The following RAB3C variants were observed in gnomAD, a reference collection of about 807,000 sequenced individuals.
RAB3C encodes the protein ras-related protein Rab-3C.
In RAB3C, 17 loss-of-function variants were observed where a neutral mutation model predicts 26.4. The ratio of observed to expected loss-of-function variants is 0.64; its 90% CI spans 0.44 to 0.97. The LOEUF (loss-of-function observed/expected upper bound fraction) is 0.97, where lower values mean the gene tolerates loss of function less well. RAB3C is among the 50% of genes least tolerant of loss of function. The pLI, the probability that RAB3C is intolerant of heterozygous loss-of-function variation, is 0.00. For synonymous variants in RAB3C, 91 were observed against 95.9 expected (o/e 0.95, Z 0.30); for missense variants, 242 against 281.9 (o/e 0.86, Z 1.01).
intron 2 of RAB3C, among the ~76,000 whole-genome samples, chr5:58,650,721 A>T (rs1747626104): frequency 6.6e-6 from 1 of 152,214 alleles, no homozygotes; most frequent in South Asian, 2.1e-4. Context: ...CTAAAGGTGT[A>T]TCTGCAGATG....
chr5:58,769,736 G>A (rs1439482393), intron 3 of RAB3C, among the ~76,000 whole-genome samples: 1 of 138,814 alleles, frequency 7.2e-6, no homozygotes, highest in Non-Finnish European at 1.6e-5. Context: ...GTTTCTTTAA[G>A]AGAAATGTAA....
intron 2 of RAB3C, among the ~76,000 whole-genome samples, chr5:58,621,362 G>A (rs185322482): frequency 1.3e-5 from 2 of 152,264 alleles, no homozygotes; most frequent in Admixed American, 6.5e-5. Context: ...GAGGCTAAGC[G>A]ATTTGACCTT....
chr5:58,586,607 C>T (rs1746013638), intron 1 of RAB3C, among the ~76,000 whole-genome samples: 1 of 152,120 alleles, frequency 6.6e-6, no homozygotes. Flanking sequence ...TTCATTGTCT[C>T]TGACTAAATG....
chr5:58,586,584 G>A (rs1746013271), intron 1 of RAB3C, among the ~76,000 whole-genome samples: 1 of 152,098 alleles, frequency 6.6e-6, no homozygotes, highest in Admixed American at 6.5e-5. Context: ...TCTCTTACAG[G>A]ACCAAAGTGG....
intron 2 of RAB3C, among the ~76,000 whole-genome samples, chr5:58,633,489 T>TA (rs1399575779): frequency 6.6e-6 from 1 of 152,074 alleles, no homozygotes; most frequent in Non-Finnish European, 1.5e-5. Flanking sequence ...CATTAGTAAA[T>TA]AGTGCCAGGA....
At chr5:58,807,100 C>A (rs1742958083) in intron 3 of RAB3C, among the ~76,000 whole-genome samples, 1 of 152,148 alleles carries the variant, frequency 6.6e-6, no homozygotes, top group South Asian at 2.1e-4. Context: ...ATAAAAATAA[C>A]AAACAAGAAA....
intron 2 of RAB3C, among the ~76,000 whole-genome samples, chr5:58,707,238 A>G (rs895335022): frequency 1.3e-5 from 2 of 152,222 alleles, no homozygotes; most frequent in East Asian, 3.8e-4. Context: ...ACCTTTTTTA[A>G]AAAGGACATC....
intron 3 of RAB3C, among the ~76,000 whole-genome samples, chr5:58,736,782 C>T (rs185669395): frequency 3.3e-4 from 51 of 152,254 alleles, no homozygotes; most frequent in South Asian, 2.1e-4. Flanking sequence ...GGGGTTATAA[C>T]GTCAACATCT....
intron 3 of RAB3C, among the ~76,000 whole-genome samples, chr5:58,758,886 C>T (rs1741732517): frequency 6.6e-6 from 1 of 151,426 alleles, no homozygotes; most frequent in Admixed American, 6.6e-5. Flanking sequence ...TTTCCATGGT[C>T]CTTGACCAGT....
intron 3 of RAB3C, among the ~76,000 whole-genome samples, chr5:58,744,366 T>C (rs1741345176): frequency 6.6e-6 from 1 of 152,220 alleles, no homozygotes; most frequent in East Asian, 1.9e-4. Context: ...TTAATGGAAG[T>C]AGACAAGGAA....
intron 2 of RAB3C, among the ~76,000 whole-genome samples, chr5:58,666,021 A>G (rs1456557768): frequency 6.6e-6 from 1 of 152,140 alleles, no homozygotes; most frequent in Non-Finnish European, 1.5e-5. Context: ...GAACCCTTTT[A>G]TTGCCTGCAC....
chr5:58,735,317 C>A (rs80115687), intron 3 of RAB3C, among the ~76,000 whole-genome samples: 1 of 152,302 alleles, frequency 6.6e-6, no homozygotes, highest in East Asian at 1.9e-4. Flanking sequence ...CTGCTCTGAG[C>A]ATGTCTGCAA....
chr5:58,668,016 T>G (rs968177669), intron 2 of RAB3C, among the ~76,000 whole-genome samples: 1 of 152,202 alleles, frequency 6.6e-6, no homozygotes, highest in Non-Finnish European at 1.5e-5. Context: ...TTGATTCTTG[T>G]AACTTGGGTG....
intron 1 of RAB3C, among the ~76,000 whole-genome samples, chr5:58,598,864 T>C (rs762643152): frequency 3.9e-5 from 6 of 152,082 alleles, no homozygotes; most frequent in Non-Finnish European, 7.4e-5. Flanking sequence ...AGAAAGCATA[T>C]TCTGTAAAAC....
chr5:58,761,046 CTCCCT>C (rs1156446627), intron 3 of RAB3C, among the ~76,000 whole-genome samples: 11 of 137,992 alleles, frequency 8.0e-5, no homozygotes, highest in Admixed American at 1.5e-4. Context: ...CTCTCTCTCT[CTCCCT>C]CTCTCTCTCT....
intron 3 of RAB3C, among the ~76,000 whole-genome samples, chr5:58,784,163 C>T (rs769703518): frequency 6.6e-6 from 1 of 152,224 alleles, no homozygotes; most frequent in South Asian, 2.1e-4. Context: ...GTCAGAAAGC[C>T]TCACCCAATG....
At chr5:58,599,579 C>T (rs1300087184) in intron 1 of RAB3C, among the ~76,000 whole-genome samples, 1 of 152,136 alleles carries the variant, frequency 6.6e-6, no homozygotes, top group Non-Finnish European at 1.5e-5. Context: ...TGGGAAACCG[C>T]TGGAACCAAA....
chr5:58,787,597 T>C (rs2112009720), intron 3 of RAB3C, among the ~76,000 whole-genome samples: 1 of 152,322 alleles, frequency 6.6e-6, no homozygotes, highest in East Asian at 1.9e-4. Context: ...TGGAGAAGGC[T>C]ATTTCCCCTA....
intron 2 of RAB3C, among the ~76,000 whole-genome samples, chr5:58,698,743 C>T (rs1039683730): frequency 7.2e-5 from 11 of 152,144 alleles, no homozygotes; most frequent in African/African-American, 2.7e-4. Context: ...GCATGCATCA[C>T]GAAGTTCTCA....
Sources: allele counts gnomAD v4.1 joint callset (sites outside exome capture counted in the v4.1 genomes callset), GRCh38; gene constraint gnomAD v4.1.1; transcripts MANE v1.5; gene names NCBI Gene and HGNC (gene_info 2026-07-23, HGNC 2026-07-21).